PACRGL: variants seen among roughly 807,000 people sequenced by gnomAD.
PACRGL encodes the protein parkin coregulated like.
A neutral mutation model predicts 34.5 loss-of-function variants in PACRGL; 38 were observed. The observed-to-expected ratio is 1.10, with a 90% CI of 0.85 to 1.44. The LOEUF (loss-of-function observed/expected upper bound fraction) is 1.44, where lower values mean the gene tolerates loss of function less well. Ranked by LOEUF, PACRGL falls within the 40% of genes most tolerant of loss-of-function variation. PACRGL has a pLI of 0.00. For synonymous variants in PACRGL, 128 were observed against 100.1 expected, an observed-to-expected ratio of 1.28 and a Z score of -1.66; for missense variants, 305 against 281.4, an observed-to-expected ratio of 1.08 and a Z score of -0.60.
chr4:20,737,462 T>C (rs1356996575), downstream of PACRGL, among the ~76,000 whole-genome samples: 1 of 152,134 alleles, frequency 6.6e-6, no homozygotes, highest in Non-Finnish European at 1.5e-5. Context: ...TGGGCTGTGC[T>C]CTTGAGAAGG....
chr4:20,762,448 A>G, the PACRGL span, among the ~76,000 whole-genome samples: 4 of 152,214 alleles, frequency 2.6e-5, no homozygotes, highest in African/African-American at 9.6e-5. Context: ...ATTTATTCCC[A>G]GAGATTTTTT....
upstream of PACRGL, among the ~76,000 whole-genome samples, chr4:20,699,241 TTC>T (rs1257304762): frequency 3.3e-5 from 5 of 152,134 alleles, no homozygotes; most frequent in African/African-American, 1.2e-4. Context: ...TTTTAAAAAT[TTC>T]TTTTTCCTTT....
At chr4:20,719,660 T>C (rs1308914100) in intron 7 of PACRGL, among the ~76,000 whole-genome samples, 9 of 152,264 alleles carry the variant, frequency 5.9e-5, no homozygotes, top group Non-Finnish European at 1.2e-4. Context: ...TTCTTAATCC[T>C]GAGTTCTAGT....
At chr4:20,701,754 C>T (rs192604119) in intron 1 of PACRGL, 5 of 430,170 alleles carry the variant, frequency 1.2e-5, no homozygotes, top group South Asian at 4.9e-5. Flanking sequence ...CTCCCTCCCC[C>T]CAGTCTCTTT....
downstream of PACRGL, chr4:20,732,869 C>A: frequency 1.2e-6 from 1 of 826,572 alleles, no homozygotes; most frequent in South Asian, 1.7e-5. Context: ...TTTTCCTACT[C>A]AATTTTAAAT....
chr4:20,749,208 A>C (rs976497248), intron 8 of PACRGL, among the ~76,000 whole-genome samples: 1 of 149,714 alleles, frequency 6.7e-6, no homozygotes, highest in African/African-American at 2.4e-5. Flanking sequence ...TTTGTAATTT[A>C]AAAAGAGATT....
rs1252638563 is a variant in PACRGL, at chr4:20,731,112, A to G, written c.*3771A>G. ...TTTTTTTAGTTTTGAGGCAGAGTCT[A>G]TTTCTGTTGCCCATCATTCTGGAGT... On this transcript the variant is annotated 3_prime_UTR_variant, in exon 9 of 9. Transcript: ENST00000503585. Among the ~76,000 whole-genome samples the G allele has an allele frequency of 3.9e-5, 6 of 152,124 alleles. No homozygotes were observed. Among genetic ancestry groups the G allele is most frequent in the Non-Finnish European group, 4.4e-5 (3 of 68,012 alleles).
chr4:20,740,804 G>T, intron 8 of PACRGL, among the ~76,000 whole-genome samples: 1 of 152,138 alleles, frequency 6.6e-6, no homozygotes, highest in South Asian at 2.1e-4. Flanking sequence ...AGATCCATCA[G>T]TGTGCTGTAT....
At chr4:20,719,276 C>A (rs1487577197) in intron 7 of PACRGL, among the ~76,000 whole-genome samples, 3 of 152,274 alleles carry the variant, frequency 2.0e-5, no homozygotes, top group Non-Finnish European at 4.4e-5. Context: ...TTCAAAAAAA[C>A]CAGCTCCTGG....
intron 7 of PACRGL, among the ~76,000 whole-genome samples, chr4:20,718,507 C>T (rs562042890): frequency 6.6e-6 from 1 of 152,286 alleles, no homozygotes; most frequent in African/African-American, 2.4e-5. Context: ...TACGTCCCAT[C>T]AATACCTAAT....
intron 3 of PACRGL, among the ~76,000 whole-genome samples, chr4:20,705,661 G>A (rs545159502): frequency 1.3e-5 from 2 of 151,824 alleles, no homozygotes; most frequent in South Asian, 2.1e-4. Context: ...GGGAGTTTAC[G>A]GTGACGCTTC....
chr4:20,709,567 T>C (rs1736143886), intron 4 of PACRGL, 116 bp from the exon 5 acceptor site: 3 of 611,492 alleles, frequency 4.9e-6, no homozygotes, highest in East Asian at 5.7e-5. Flanking sequence ...TATAAAGTTA[T>C]GGTATTCCTA....
In PACRGL at chr4:20,729,942, C is replaced by CTTTATATTAA; in HGVS notation, c.*2602_*2611dup. On this transcript the variant is annotated 3_prime_UTR_variant, in exon 9 of 9. Transcript: ENST00000503585. ...GAAAGCTCAAATCTTTTGGGGATTG[C>CTTTATATTAA]TTTATATTAAAACAAAGCTTGTTTG... 1 of 984,008 alleles carries CTTTATATTAA rather than the reference C, an allele frequency of 1.0e-6. No homozygotes were observed. The highest frequency in any genetic ancestry group is 1.4e-6 in the Non-Finnish European group (1 of 714,128). 61.0% of individuals were successfully genotyped at this position (984,008 alleles called of 1,614,324 possible).
downstream of PACRGL, among the ~76,000 whole-genome samples, chr4:20,754,882 A>G (rs11947118): frequency 0.022 from 3,396 of 152,328 alleles, 115 homozygotes; most frequent in African/African-American, 0.075. Context: ...AATAACTTAA[A>G]GATTTTCATC....
intron 8 of PACRGL, among the ~76,000 whole-genome samples, chr4:20,748,761 A>G (rs1752980596): frequency 6.7e-6 from 1 of 150,198 alleles, no homozygotes; most frequent in African/African-American, 2.4e-5. Context: ...AACAAAAATA[A>G]AAGCCTTCAC....
intron 8 of PACRGL, among the ~76,000 whole-genome samples, chr4:20,740,142 C>T (rs1750710292): frequency 6.6e-6 from 1 of 152,048 alleles, no homozygotes. Context: ...GAGAATTGAA[C>T]CAAGTTGGAA....
In PACRGL at chr4:20,728,154, C is replaced by CAG. The variant is rs1746530719; in HGVS notation, c.*816_*817dup. The CAG allele has an allele frequency of 1.3e-5, 2 of 152,152 alleles. No homozygotes were observed. The highest frequency in any genetic ancestry group is 1.3e-4 in the Admixed American group (2 of 15,274). The allele number at this position is 152,152 out of a possible 1,614,324, so 9.4% of individuals were successfully genotyped here. A position where few individuals can be genotyped will look rare whatever the true frequency, so the allele number is the denominator to read the frequency against. On this transcript the variant is annotated 3_prime_UTR_variant, in exon 9 of 9. Transcript: ENST00000503585. The stretch of plus-strand genomic sequence containing the variant: ...TAATGTACAATGCTTGGAAAATTTT[C>CAG]AGAGTATTCTAGTTTAAAAAATTTT...
chr4:20,718,472 A>AT (rs1390063033), intron 7 of PACRGL, among the ~76,000 whole-genome samples: 8 of 152,172 alleles, frequency 5.3e-5, no homozygotes, highest in Non-Finnish European at 1.5e-5. Context: ...TGGGTGTGTC[A>AT]TAAATAGCTC....
At position 20,730,180 on chromosome 4, in the gene PACRGL, A is replaced by C; in HGVS notation, c.*2839A>C. 7 of 1,561,960 alleles carry C rather than the reference A, an allele frequency of 4.5e-6. No homozygotes were observed. Among genetic ancestry groups the C allele is most frequent in the Non-Finnish European group, 5.2e-6 (6 of 1,155,226 alleles). ...TAAATTCAGCATATCTGCAAGGAAA[A>C]GTACACTATTTTGCCCCTGAGTATT... On this transcript the variant is annotated 3_prime_UTR_variant, in exon 9 of 9. Coordinates refer to ENST00000503585, the MANE Select transcript of PACRGL (RefSeq NM_001258345.3).
Sources: allele counts gnomAD v4.1 joint callset (sites outside exome capture counted in the v4.1 genomes callset), GRCh38; gene constraint gnomAD v4.1.1; transcripts MANE v1.5; gene names NCBI Gene and HGNC (gene_info 2026-07-23, HGNC 2026-07-21).